The following RBM33 variants were observed in gnomAD, a reference collection of about 807,000 sequenced individuals.
RBM33 encodes RNA-binding protein 33.
Under a neutral mutation model 132.6 loss-of-function variants are expected in RBM33, and 28 were observed. The ratio of observed to expected loss-of-function variants is 0.21; its 90% CI spans 0.16 to 0.29. The LOEUF (loss-of-function observed/expected upper bound fraction) is 0.29. Ranked by LOEUF, RBM33 falls within the 10% of genes least tolerant of loss-of-function variation. The pLI, the probability that RBM33 is intolerant of heterozygous loss-of-function variation, is 1.00. For missense variants in RBM33, 1,291 were observed against 1,518.5 expected (o/e 0.85, Z 2.49); for synonymous variants, 634 against 593.0 (o/e 1.07, Z -1.01).
chr7:155,682,414 G>A (rs1046196402), intron 5 of RBM33, among the ~76,000 whole-genome samples: 1 of 152,076 alleles, frequency 6.6e-6, no homozygotes, highest in African/African-American at 2.4e-5. Flanking sequence ...CTGCTTTACT[G>A]GTGTGTTTGT....
intron 5 of RBM33, among the ~76,000 whole-genome samples, chr7:155,689,208 T>C (rs1799562182): frequency 6.6e-6 from 1 of 152,250 alleles, no homozygotes; most frequent in African/African-American, 2.4e-5. Context: ...TGGGAGTGTG[T>C]ATGTGTCCAG....
rs547281456 is a variant in RBM33 at position 155,743,595 on chromosome 7, T to A, written c.2338-1366T>A. Reference sequence around the variant, plus strand: ...TAAAGGGGACCAGGATTATATATATTTTTTTACTTTTTAGAAGAAAGATCT... The same window carrying A: ...TAAAGGGGACCAGGATTATATATATATTTTTACTTTTTAGAAGAAAGATCT... On this transcript the variant is annotated intron_variant, in intron 13 of 17. Transcript: ENST00000401878. 7.2e-5 allele frequency among the ~76,000 whole-genome samples: 11 copies of A among 152,344 alleles called. No individual in the cohort carries two copies. In the South Asian group the frequency reaches 1.0e-3, roughly 14 times the overall value.
chr7:155,728,211 C>G (rs7781177), intron 9 of RBM33, among the ~76,000 whole-genome samples: 44,375 of 152,018 alleles, frequency 0.29, 7,919 homozygotes, highest in African/African-American at 0.5. Context: ...TTGGAAAATG[C>G]GCCGTCATGA....
chr7:155,647,988 C>T (rs547969210), intron 1 of RBM33, among the ~76,000 whole-genome samples: 59 of 152,176 alleles, frequency 3.9e-4, no homozygotes, highest in East Asian at 3.3e-3. Context: ...CTAGTGAGTG[C>T]GTTATCTCAC....
intron 8 of RBM33, among the ~76,000 whole-genome samples, chr7:155,713,704 G>C (rs1800374776): frequency 6.6e-6 from 1 of 152,202 alleles, no homozygotes; most frequent in Non-Finnish European, 1.5e-5. Context: ...ACTGTGTTTT[G>C]CTAAAACAGA....
Position 155,775,203 on chromosome 7 carries a change from A to G in RBM33, c.*162A>G. 1.4e-6 allele frequency: 1 copy of G among 726,054 alleles called. No individual in the cohort carries two copies. The highest frequency in any genetic ancestry group is 1.7e-5 in the African/African-American group (1 of 57,620). The allele number at this position is 726,054 out of a possible 1,614,324, so 45.0% of individuals were successfully genotyped here. On this transcript the variant is annotated 3_prime_UTR_variant, in exon 18 of 18. Coordinates refer to ENST00000401878, the MANE Select transcript of RBM33 (RefSeq NM_053043.3). Reference sequence around the variant, plus strand: ...CAGCCAGCCACGGGCCTGATTCCAGAGGAGCCGAACTGACAGGACACAGCA... The same window carrying G: ...CAGCCAGCCACGGGCCTGATTCCAGGGGAGCCGAACTGACAGGACACAGCA...
At chr7:155,723,757 T>G (rs12154725) in intron 9 of RBM33, among the ~76,000 whole-genome samples, 36,534 of 152,050 alleles carry the variant, frequency 0.24, 4,656 homozygotes, top group African/African-American at 0.32. Flanking sequence ...TCACATAAAA[T>G]TGGTTTCTTG....
chr7:155,751,654 C>T (rs924361544), intron 14 of RBM33, among the ~76,000 whole-genome samples: 3 of 152,182 alleles, frequency 2.0e-5, no homozygotes, highest in African/African-American at 4.8e-5. Context: ...GAGGGGATAT[C>T]GGGTCCTTCT....
At chr7:155,722,043 A>G (rs1800643321) in intron 9 of RBM33, among the ~76,000 whole-genome samples, 1 of 152,194 alleles carries the variant, frequency 6.6e-6, no homozygotes, top group Non-Finnish European at 1.5e-5. Context: ...GTGCTTTGTA[A>G]TTTAGGCTTC....
intron 14 of RBM33, among the ~76,000 whole-genome samples, chr7:155,747,351 C>CT (rs1329782006): frequency 6.6e-6 from 1 of 152,068 alleles, no homozygotes; most frequent in Admixed American, 6.6e-5. Context: ...GTGTTACAGA[C>CT]TTTTTTTAAG....
chr7:155,666,769 AC>A lies in RBM33; in HGVS notation c.122+1517del, dbSNP rs1798813921. Among the ~76,000 whole-genome samples the A allele has an allele frequency of 6.6e-5, 10 of 152,192 alleles. 1 individual carries two copies. In the South Asian group the frequency reaches 2.1e-3, roughly 32 times the overall value. On this transcript the variant is annotated intron_variant, in intron 2 of 17. Transcript: ENST00000401878. ...TTTAGGGACTGTTTATATTATACTT[AC>A]TGGAAATTTATTTTTATTGTTTATA...
intron 5 of RBM33, among the ~76,000 whole-genome samples, chr7:155,698,063 A>G (rs899589240): frequency 1.3e-5 from 2 of 152,162 alleles, no homozygotes; most frequent in African/African-American, 2.4e-5. Context: ...ATGCTAGGTA[A>G]TATTTGTTAA....
intron 3 of RBM33, among the ~76,000 whole-genome samples, chr7:155,673,607 TAC>T (rs1799033883): frequency 3.2e-5 from 3 of 92,402 alleles, no homozygotes; most frequent in East Asian, 3.1e-4. Flanking sequence ...CACATATACA[TAC>T]ACACGTGTAT....
chr7:155,770,260 A>G (rs1333538462), intron 16 of RBM33, among the ~76,000 whole-genome samples: 3 of 152,246 alleles, frequency 2.0e-5, no homozygotes, highest in African/African-American at 7.2e-5. Context: ...TGCCCAGAGC[A>G]CTGTTGTGAA....
intron 8 of RBM33, among the ~76,000 whole-genome samples, chr7:155,713,374 G>T (rs1048393363): frequency 3.3e-5 from 5 of 152,084 alleles, no homozygotes; most frequent in African/African-American, 1.2e-4. Context: ...GTCTGTGTGT[G>T]GGGAGACCAA....
At chr7:155,753,467 C>T (rs1394176938) in intron 14 of RBM33, among the ~76,000 whole-genome samples, 1 of 152,200 alleles carries the variant, frequency 6.6e-6, no homozygotes, top group East Asian at 1.9e-4. Context: ...CAGGAGGATG[C>T]CGCTGTTCTG....
At chr7:155,726,161 T>G (rs1458017417) in intron 9 of RBM33, among the ~76,000 whole-genome samples, 2 of 152,224 alleles carry the variant, frequency 1.3e-5, no homozygotes, top group Non-Finnish European at 2.9e-5. Context: ...GGAAAACATC[T>G]TGTAGAGATT....
chr7:155,691,451 G>A (rs187344648), intron 5 of RBM33, among the ~76,000 whole-genome samples: 7 of 152,166 alleles, frequency 4.6e-5, no homozygotes, highest in Non-Finnish European at 1.0e-4. Context: ...GTATTTTGAA[G>A]TTGGAAAACT....
intron 13 of RBM33, among the ~76,000 whole-genome samples, chr7:155,743,350 A>G (rs528601789): frequency 1.3e-5 from 2 of 152,272 alleles, no homozygotes; most frequent in East Asian, 1.9e-4. Flanking sequence ...TCACACATTC[A>G]TAATAACAGG....
Sources: gnomAD v4.1 joint callset for allele counts (sites outside exome capture counted in the v4.1 genomes callset) on GRCh38, gnomAD v4.1.1 for gene constraint, MANE v1.5 for transcripts, NCBI Gene and HGNC (gene_info 2026-07-23, HGNC 2026-07-21) for gene names.